Variants in PON3 observed in about 807,000 individuals in gnomAD.
PON3 encodes serum paraoxonase/lactonase 3.
Under a neutral mutation model 36.3 loss-of-function variants are expected in PON3, and 37 were observed. The observed-to-expected ratio is 1.02, with a 90% confidence interval of 0.78 to 1.34. The LOEUF (loss-of-function observed/expected upper bound fraction) is 1.34, where lower values mean the gene tolerates loss of function less well. PON3 is among the 40% of genes most tolerant of loss of function. PON3 has a pLI of 0.00. For synonymous variants in PON3, 155 were observed against 154.8 expected (o/e 1.00, Z -0.01); for missense variants, 415 against 426.5 (o/e 0.97, Z 0.24).
chr7:95,378,938 G>A (rs1271595698), intron 3 of PON3, among the ~76,000 whole-genome samples: 4 of 152,202 alleles, frequency 2.6e-5, no homozygotes, highest in Admixed American at 6.5e-5. Context: ...TAAATGCCCC[G>A]ATTAAAAGAC....
rs150387303 is a variant in PON3 at position 95,367,655 on chromosome 7, A to G, written c.368-167T>C. ...CAGACAAATGCCAGAATCCAGATTT[A>G]GTTGAGGAAATTGAAGCTCAGGAGG... On this transcript the variant is annotated intron_variant, in intron 4 of 8. Coordinates refer to ENST00000265627, the MANE Select transcript of PON3 (RefSeq NM_000940.3). Among the ~76,000 whole-genome samples the G allele has an allele frequency of 3.9e-5, 6 of 152,372 alleles. No individual in the cohort carries two copies. In the East Asian group the frequency reaches 1.2e-3, roughly 29 times the overall value.
chr7:95,381,556 G>A (rs1204063550), intron 3 of PON3, among the ~76,000 whole-genome samples: 2 of 152,138 alleles, frequency 1.3e-5, no homozygotes, highest in African/African-American at 4.8e-5. Context: ...TGCAATCCTA[G>A]TCTCTGATAA....
chr7:95,382,372 T>C (rs1173079970), intron 3 of PON3, among the ~76,000 whole-genome samples: 2 of 151,170 alleles, frequency 1.3e-5, no homozygotes, highest in African/African-American at 2.4e-5. Flanking sequence ...CTGAAGGAGA[T>C]AGAGACACAA....
intron 1 of PON3, 61 bp from the exon 2 acceptor site, chr7:95,394,775 A>C: frequency 7.5e-7 from 1 of 1,334,484 alleles, no homozygotes; most frequent in Non-Finnish European, 1.1e-6. Context: ...GTATGTTTAA[A>C]TGTGGACTTC....
At chr7:95,385,711 A>T (rs1170822862) in intron 3 of PON3, among the ~76,000 whole-genome samples, 1 of 152,072 alleles carries the variant, frequency 6.6e-6, no homozygotes, top group Non-Finnish European at 1.5e-5. Flanking sequence ...GAAATCACAA[A>T]CTGTCTCTCA....
At chr7:95,373,193 T>C (rs907286255) in intron 3 of PON3, among the ~76,000 whole-genome samples, 10 of 152,168 alleles carry the variant, frequency 6.6e-5, no homozygotes, top group African/African-American at 2.4e-4. Flanking sequence ...ACCTTTATCT[T>C]CTTTTACAGT....
intron 3 of PON3, among the ~76,000 whole-genome samples, chr7:95,373,942 C>T (rs1399205404): frequency 6.6e-6 from 1 of 152,136 alleles, no homozygotes; most frequent in Non-Finnish European, 1.5e-5. Flanking sequence ...TGAGCTCCAC[C>T]TTCTGTAAGA....
chr7:95,369,695 G>C (rs1241840388), intron 4 of PON3, among the ~76,000 whole-genome samples: 1 of 152,176 alleles, frequency 6.6e-6, no homozygotes, highest in Non-Finnish European at 1.5e-5. Flanking sequence ...AGAATTGCTT[G>C]AACCCGGGAG....
At chr7:95,368,601 T>C (rs1425958847) in intron 4 of PON3, among the ~76,000 whole-genome samples, 1 of 152,204 alleles carries the variant, frequency 6.6e-6, no homozygotes, top group African/African-American at 2.4e-5. Flanking sequence ...AAATAAGATA[T>C]ACTTAGTGAG....
chr7:95,362,660 C>T, intron 7 of PON3, 100 bp downstream of exon 7: 3 of 1,381,916 alleles, frequency 2.2e-6, no homozygotes, highest in Admixed American at 1.8e-5. Flanking sequence ...GCATTGCTCT[C>T]AAATAGCCAT....
At chr7:95,373,900 A>T (rs757532358) in intron 3 of PON3, among the ~76,000 whole-genome samples, 1 of 152,160 alleles carries the variant, frequency 6.6e-6, no homozygotes, top group Non-Finnish European at 1.5e-5. Context: ...GAACAACAGG[A>T]GGTGAGCTGC....
intron 3 of PON3, among the ~76,000 whole-genome samples, chr7:95,381,659 T>C (rs1176753090): frequency 6.6e-6 from 1 of 152,218 alleles, no homozygotes; most frequent in East Asian, 1.9e-4. Context: ...CTAACTATCC[T>C]AAATATATAT....
chr7:95,370,272 G>T (rs967719148), intron 4 of PON3, among the ~76,000 whole-genome samples: 1 of 152,170 alleles, frequency 6.6e-6, no homozygotes, highest in Non-Finnish European at 1.5e-5. Flanking sequence ...ACAGTTGGGG[G>T]CCCATGCAGA....
At chr7:95,387,520 T>G (rs1562777307) in intron 3 of PON3, among the ~76,000 whole-genome samples, 1 of 152,072 alleles carries the variant, frequency 6.6e-6, no homozygotes, top group Non-Finnish European at 1.5e-5. Flanking sequence ...TGCTCATGGA[T>G]AGGAAGAATC....
chr7:95,379,712 G>A (rs547648251), intron 3 of PON3, among the ~76,000 whole-genome samples: 1 of 152,322 alleles, frequency 6.6e-6, no homozygotes, highest in East Asian at 1.9e-4. Context: ...CAGGAAGCTC[G>A]AACTGGGTGG....
At chr7:95,385,435 T>C (rs1809167196) in intron 3 of PON3, among the ~76,000 whole-genome samples, 2 of 152,108 alleles carry the variant, frequency 1.3e-5, no homozygotes, top group Admixed American at 1.3e-4. Flanking sequence ...CTTAGAGACC[T>C]GCCAAGAGAC....
intron 3 of PON3, among the ~76,000 whole-genome samples, chr7:95,372,849 A>C (rs987739615): frequency 6.6e-6 from 1 of 152,222 alleles, no homozygotes; most frequent in Non-Finnish European, 1.5e-5. Flanking sequence ...AAGAATTAAC[A>C]TAAGGATACC....
At chr7:95,380,343 C>G (rs182335526) in intron 3 of PON3, among the ~76,000 whole-genome samples, 5 of 152,188 alleles carry the variant, frequency 3.3e-5, no homozygotes, top group African/African-American at 1.2e-4. Flanking sequence ...TGGAACAAAG[C>G]TGGATGGAAA....
chr7:95,394,694 C>T lies in PON3; in HGVS notation c.95G>A (p.Arg32Gln), dbSNP rs772355424. The change falls in exon 2 of 9, where the codon CGA (arginine) becomes CAA (glutamine). Residue 32 changes from arginine (R) to glutamine (Q), a missense_variant. Coordinates refer to ENST00000265627, the MANE Select transcript of PON3 (RefSeq NM_000940.3). ...TTCAGGTTCTACTGGCTCCACTTCT[C>T]GAGAGGCATTCACCCTTTCTCTGTA... ...LAFRERVNAS[R>Q]EVEPVEPENC... is the part of the protein sequence containing the mutation. 6.2e-7 allele frequency: 1 copy of T among 1,614,120 alleles called. No homozygotes were observed. Among genetic ancestry groups the T allele is most frequent in the Non-Finnish European group, 8.5e-7 (1 of 1,180,016 alleles).
Sources: allele counts gnomAD v4.1 joint callset (sites outside exome capture counted in the v4.1 genomes callset), GRCh38; gene constraint gnomAD v4.1.1; transcripts MANE v1.5; gene names NCBI Gene and HGNC (gene_info 2026-07-23, HGNC 2026-07-21).